Variants in INTS6L observed in about 807,000 individuals in gnomAD.
INTS6L encodes the protein integrator complex subunit 6-like.
In INTS6L, 18 loss-of-function variants were observed where a neutral mutation model predicts 64.7. The observed-to-expected ratio is 0.28, with a 90% CI of 0.19 to 0.41. The LOEUF (loss-of-function observed/expected upper bound fraction) is 0.41. Ranked by LOEUF, INTS6L falls within the 10% of genes least tolerant of loss-of-function variation. The pLI is 1.00. For synonymous variants in INTS6L, 227 were observed against 235.9 expected, an observed-to-expected ratio of 0.96 and a Z score of 0.34; for missense variants, 533 against 661.0, an observed-to-expected ratio of 0.81 and a Z score of 2.12.
intron 2 of INTS6L, among the ~76,000 whole-genome samples, chrX:135,524,799 C>T (rs1367558734): frequency 8.9e-6 from 1 of 111,901 alleles, no homozygotes; most frequent in Non-Finnish European, 1.9e-5. Context: ...ACTGCATACT[C>T]CTCACTATAT....
chrX:135,560,429 A>C (rs2086758161), intron 9 of INTS6L, among the ~76,000 whole-genome samples: 1 of 112,203 alleles, frequency 8.9e-6, no homozygotes, highest in Non-Finnish European at 1.9e-5. Flanking sequence ...TGTACTGTAG[A>C]GAACTTCCAG....
At chrX:135,560,753 A>G (rs1275622579) in intron 9 of INTS6L, among the ~76,000 whole-genome samples, 5 of 108,451 alleles carry the variant, frequency 4.6e-5, no homozygotes, top group African/African-American at 1.7e-4. Context: ...CTGAGGCGGG[A>G]GAATCACTCG....
At chrX:135,532,284 T>G (rs964812698) in intron 2 of INTS6L, among the ~76,000 whole-genome samples, 1 of 112,274 alleles carries the variant, frequency 8.9e-6, no homozygotes, top group African/African-American at 3.2e-5. Context: ...TTTTATTTCT[T>G]GAAGGAGGAT....
rs1182441546 is a variant in INTS6L, at chrX:135,520,999, A to G, written c.7A>G (p.Ile3Val). The G allele has an allele frequency of 6.6e-6, 8 of 1,208,506 alleles. No individual in the cohort carries two copies. The highest frequency in any genetic ancestry group is 1.8e-5 in the African/African-American group (1 of 57,032). The change falls in exon 1 of 18, where the codon ATC becomes GTC. Residue 3 changes from isoleucine to valine, a missense_variant. By Grantham distance (29) the Ile-to-Val change is conservative (BLOSUM62 3). Transcript: ENST00000639893. MP[I>V]LLFLIDTSAS... ...GGCAGGAGTGCGGGGGAAGATGCCC[A>G]TCCTGCTGTTCCTCATAGACACGTC...
intron 9 of INTS6L, among the ~76,000 whole-genome samples, chrX:135,559,875 G>A (rs1331405129): frequency 8.9e-6 from 1 of 112,056 alleles, no homozygotes; most frequent in Non-Finnish European, 1.9e-5. Context: ...GTTTTAATTT[G>A]TATTTCCCTA....
At chrX:135,552,243 C>G in intron 8 of INTS6L, 97 bp downstream of exon 8, 1 of 932,363 alleles carries the variant, frequency 1.1e-6, no homozygotes, top group Admixed American at 3.6e-5. Context: ...AATAATTGGA[C>G]TGACTGTGCT....
intron 2 of INTS6L, among the ~76,000 whole-genome samples, chrX:135,527,650 G>C (rs1400634324): frequency 2.7e-5 from 3 of 112,205 alleles, no homozygotes; most frequent in African/African-American, 9.7e-5. Context: ...GGGATGCAGA[G>C]CTCTTAGGTA....
chrX:135,558,787 CTTTTTTT>C (rs1164910175), intron 9 of INTS6L, among the ~76,000 whole-genome samples: 1 of 94,651 alleles, frequency 1.1e-5, no homozygotes, highest in South Asian at 4.7e-4. Context: ...TTTCTTTTTT[CTTTTTTT>C]TTTTTTTTTG....
At chrX:135,522,282 A>G (rs1348928511) in intron 2 of INTS6L, among the ~76,000 whole-genome samples, 1 of 112,062 alleles carries the variant, frequency 8.9e-6, no homozygotes, top group Non-Finnish European at 1.9e-5. Context: ...CCACGTAGGA[A>G]TTAATCCAGG....
chrX:135,570,538 A>T lies in INTS6L; in HGVS notation c.1390A>T (p.Ser464Cys). The change falls in exon 11 of 18, where the codon AGC becomes TGC. Residue 464 changes from serine (S) to cysteine (C), a missense_variant. By Grantham distance (112) the Ser-to-Cys change is moderately radical (BLOSUM62 -1). Transcript: ENST00000639893. Reference sequence around the variant, plus strand: ...TGTTATCTCTTACCTTAAAAAACTCAGCCAACAGGTAGTATTGGTAAAAAC... The same window carrying T: ...TGTTATCTCTTACCTTAAAAAACTCTGCCAACAGGTAGTATTGGTAAAAAC... ...YSVISYLKKL[S>C]QQTKLESERI... 8.7e-7 allele frequency: 1 copy of T among 1,154,851 alleles called. No individual in the cohort carries two copies. The highest frequency in any genetic ancestry group is 1.9e-5 in the South Asian group (1 of 52,575).
chrX:135,521,094 A>C lies in INTS6L; in HGVS notation c.102A>C (p.Leu34Phe). The change falls in exon 1 of 18, where the codon TTA becomes TTC. Residue 34 changes from leucine (L) to phenylalanine (F), a missense_variant. Coordinates refer to ENST00000639893, the MANE Select transcript of INTS6L (RefSeq NM_001351601.3). Reference sequence around the variant, plus strand: ...ACATTGCCAAAGGCGCTGTGGAGTTATTCTTGAAGGTAAAGGGAGGGGAGG... The same window carrying C: ...ACATTGCCAAAGGCGCTGTGGAGTTCTTCTTGAAGGTAAAGGGAGGGGAGG... Reference protein sequence around the residue: ...YLDIAKGAVELFLKLRARDPA... With the variant: ...YLDIAKGAVEFFLKLRARDPA... 8.3e-7 allele frequency: 1 copy of C among 1,209,970 alleles called. No homozygotes were observed. Among genetic ancestry groups the C allele is most frequent in the Non-Finnish European group, 1.1e-6 (1 of 894,405 alleles).
chrX:135,521,376 G>C (rs1322913171), intron 2 of INTS6L, 58 bp downstream of exon 2: 2 of 1,115,678 alleles, frequency 1.8e-6, no homozygotes, highest in Non-Finnish European at 2.4e-6. Context: ...GGCGGGGGCT[G>C]CTTACCCCCC....
intron 11 of INTS6L, 65 bp from the exon 12 acceptor site, chrX:135,572,750 T>C: frequency 1.1e-6 from 1 of 951,080 alleles, no homozygotes; most frequent in Non-Finnish European, 1.5e-6. Context: ...TTATCTTTCT[T>C]AAGTAGTAAA....
At chrX:135,569,465 A>G in intron 10 of INTS6L, 34 bp downstream of exon 10, 1 of 864,828 alleles carries the variant, frequency 1.2e-6, no homozygotes, top group Non-Finnish European at 1.6e-6. Context: ...TATTAACTGT[A>G]TCAATGATAA....
chrX:135,527,211 T>A lies in INTS6L; in HGVS notation c.189+5893T>A, dbSNP rs72615456. 1.8e-3 allele frequency among the ~76,000 whole-genome samples: 201 copies of A among 112,069 alleles called. 3 individuals carry two copies. In the East Asian group the frequency reaches 0.05, roughly 28 times the overall value. On this transcript the variant is annotated intron_variant, in intron 2 of 17. Coordinates refer to ENST00000639893, the MANE Select transcript of INTS6L (RefSeq NM_001351601.3). ...CTGCATGTAATTACCGTTCTGACTT[T>A]TATCACCATTGTAGTGACATGATCA...
chrX:135,545,249 A>G (rs2086323738), intron 2 of INTS6L, among the ~76,000 whole-genome samples, 174 bp from the exon 3 acceptor site: 1 of 112,332 alleles, frequency 8.9e-6, no homozygotes, highest in African/African-American at 3.2e-5. Context: ...TAGAGCTAGC[A>G]GGTCTTTCCG....
At chrX:135,559,003 G>A (rs7057561) in intron 9 of INTS6L, among the ~76,000 whole-genome samples, 9,284 of 109,755 alleles carry the variant, frequency 0.085, 660 homozygotes, top group African/African-American at 0.22. Context: ...GGCTGGTCTC[G>A]AACTCCTGAC....
At chrX:135,537,753 A>G (rs1556509713) in intron 2 of INTS6L, among the ~76,000 whole-genome samples, 1 of 112,523 alleles carries the variant, frequency 8.9e-6, no homozygotes, top group African/African-American at 3.2e-5. Flanking sequence ...TGAAGTGAAT[A>G]TAGGCTTACC....
Position 135,520,712 on chromosome X carries a change from T to C in INTS6L, c.-281T>C. 1 of 339,576 alleles carries C rather than the reference T, an allele frequency of 2.9e-6. No individual in the cohort carries two copies. The highest frequency in any genetic ancestry group is 5.2e-6 in the Non-Finnish European group (1 of 193,142). The allele number at this position is 339,576 out of a possible 1,213,427, so 28.0% of individuals were successfully genotyped here. Reference sequence around the variant, plus strand: ...CGGACGGATGCTTAGGCAGTAGTCCTGGCAGCGGCAGTAGTGGTGGCAGCA... The same window carrying C: ...CGGACGGATGCTTAGGCAGTAGTCCCGGCAGCGGCAGTAGTGGTGGCAGCA... On this transcript the variant is annotated 5_prime_UTR_variant, in exon 1 of 18. Coordinates refer to ENST00000639893, the MANE Select transcript of INTS6L (RefSeq NM_001351601.3).
Sources: gnomAD v4.1 joint callset for allele counts (sites outside exome capture counted in the v4.1 genomes callset) on GRCh38, gnomAD v4.1.1 for gene constraint, MANE v1.5 for transcripts, NCBI Gene and HGNC (gene_info 2026-07-23, HGNC 2026-07-21) for gene names.